PPM1L: variants seen among roughly 807,000 people sequenced by gnomAD.
The protein encoded by PPM1L is protein phosphatase, Mg2+/Mn2+ dependent 1L, also known as protein phosphatase 1L.
A neutral mutation model predicts 31.4 loss-of-function variants in PPM1L; 13 were observed. The ratio of observed to expected loss-of-function variants is 0.41; its 90% CI spans 0.27 to 0.66. PPM1L has a LOEUF of 0.66. Ranked by LOEUF, PPM1L falls within the 30% of genes least tolerant of loss-of-function variation. The probability of loss-of-function intolerance (pLI) is 0.29; values close to 1 mark genes in which losing one functional copy is unlikely to be tolerated. For synonymous variants in PPM1L, 184 were observed against 175.4 expected (o/e 1.05, Z -0.39); for missense variants, 326 against 453.7 (o/e 0.72, Z 2.56).
intron 1 of PPM1L, among the ~76,000 whole-genome samples, chr3:160,871,095 T>G (rs1712286270): frequency 6.6e-6 from 1 of 152,220 alleles, no homozygotes; most frequent in South Asian, 2.1e-4. Flanking sequence ...TTAGAAATTT[T>G]TATTCCCTTT....
intron 1 of PPM1L, among the ~76,000 whole-genome samples, chr3:160,867,130 A>C (rs1404449668): frequency 6.6e-6 from 1 of 152,126 alleles, no homozygotes; most frequent in Non-Finnish European, 1.5e-5. Context: ...ATATTCTTAG[A>C]ATCAATTTAT....
At chr3:160,777,337 A>G (rs1361063692) in intron 1 of PPM1L, among the ~76,000 whole-genome samples, 1 of 152,112 alleles carries the variant, frequency 6.6e-6, no homozygotes, top group Non-Finnish European at 1.5e-5. Flanking sequence ...AAAATTAAGT[A>G]CATAATTTTT....
Position 161,071,210 on chromosome 3 carries a change from T to G in PPM1L, c.*2053T>G, listed in dbSNP as rs1476253984. On this transcript the variant is annotated 3_prime_UTR_variant, in exon 4 of 4. Coordinates refer to ENST00000498165, the MANE Select transcript of PPM1L (RefSeq NM_139245.4). ...TTCAGGACATTCTGACTCCTAAGAG[T>G]TGCCCCCACCCACCATCAAACTGAA... is the stretch of plus-strand genomic sequence containing the variant. 2 of 152,128 alleles carry G rather than the reference T, an allele frequency of 1.3e-5. No homozygotes were observed. The highest frequency in any genetic ancestry group is 4.8e-5 in the African/African-American group (2 of 41,408). The allele number at this position is 152,128 out of a possible 1,614,324, so 9.4% of individuals were successfully genotyped here.
intron 2 of PPM1L, among the ~76,000 whole-genome samples, chr3:161,038,281 C>A (rs1718806094): frequency 1.3e-5 from 2 of 149,432 alleles, no homozygotes; most frequent in Non-Finnish European, 3.0e-5. Context: ...TTGTAGGTTG[C>A]AAATATCAAT....
At chr3:160,846,631 C>T (rs1290332549) in intron 1 of PPM1L, among the ~76,000 whole-genome samples, 1 of 152,006 alleles carries the variant, frequency 6.6e-6, no homozygotes, top group African/African-American at 2.4e-5. Context: ...TATGGAAGAT[C>T]AGTCACCAGT....
At chr3:161,047,241 G>T (rs1026773287) in intron 2 of PPM1L, among the ~76,000 whole-genome samples, 5 of 152,178 alleles carry the variant, frequency 3.3e-5, no homozygotes, top group African/African-American at 1.2e-4. Context: ...CTTCAGCAAA[G>T]TCTCAGTATA....
chr3:160,810,622 C>A (rs894741579), intron 1 of PPM1L, among the ~76,000 whole-genome samples: 4 of 152,142 alleles, frequency 2.6e-5, no homozygotes, highest in African/African-American at 9.7e-5. Context: ...CAGACCAAGG[C>A]AATACAGAGG....
rs566680262 is a variant in PPM1L, at chr3:160,871,582, C to T, written c.400-90154C>T. ...AATATGCCAATAATTCTACCATCTT[C>T]GTCTGATTAGGCTATGAAATCTTGA... On this transcript the variant is annotated intron_variant, in intron 1 of 3. Transcript: ENST00000498165. Among the ~76,000 whole-genome samples, 7 of 152,308 alleles carry T rather than the reference C, an allele frequency of 4.6e-5. No homozygotes were observed. In the South Asian group the frequency reaches 6.2e-4, roughly 14 times the overall value.
intron 1 of PPM1L, among the ~76,000 whole-genome samples, chr3:160,822,969 A>G (rs374016629): frequency 1.3e-5 from 2 of 152,098 alleles, no homozygotes; most frequent in African/African-American, 4.8e-5. Context: ...AACAAAAACC[A>G]TGAAAGAAAA....
chr3:160,866,510 G>T (rs1030330934), intron 1 of PPM1L, among the ~76,000 whole-genome samples: 2 of 152,032 alleles, frequency 1.3e-5, no homozygotes, highest in African/African-American at 4.8e-5. Context: ...TACTATTTTA[G>T]ATAATAATGT....
chr3:160,859,387 T>C lies in PPM1L; in HGVS notation c.400-102349T>C, dbSNP rs565000563. On this transcript the variant is annotated intron_variant, in intron 1 of 3. Transcript: ENST00000498165. ...TTCTACATTGCATGATTCCTTGCCT[T>C]CTTTTATTTCATGCAAGTTAGATTA... 2.6e-5 allele frequency among the ~76,000 whole-genome samples: 4 copies of C among 152,354 alleles called. No homozygotes were observed. The South Asian group carries it at 6.2e-4, about 24-fold the overall frequency.
At chr3:161,039,561 C>T (rs1388112101) in intron 2 of PPM1L, among the ~76,000 whole-genome samples, 3 of 152,120 alleles carry the variant, frequency 2.0e-5, no homozygotes, top group Non-Finnish European at 4.4e-5. Context: ...CTCGCTCTGT[C>T]GCCCAGGCTG....
intron 1 of PPM1L, among the ~76,000 whole-genome samples, chr3:160,875,620 T>C (rs1453878295): frequency 1.3e-5 from 2 of 152,252 alleles, no homozygotes; most frequent in Non-Finnish European, 2.9e-5. Flanking sequence ...GAGGATTTAC[T>C]ATGTGCAAGG....
At chr3:160,828,494 A>G (rs781542644) in intron 1 of PPM1L, among the ~76,000 whole-genome samples, 3 of 152,138 alleles carry the variant, frequency 2.0e-5, no homozygotes, top group Non-Finnish European at 4.4e-5. Flanking sequence ...AATAGGAAAA[A>G]TCCCTTATTC....
chr3:160,868,985 G>A (rs1443437192), intron 1 of PPM1L, among the ~76,000 whole-genome samples: 3 of 152,170 alleles, frequency 2.0e-5, no homozygotes, highest in African/African-American at 4.8e-5. Context: ...GAAGCCTCTT[G>A]TATCTGAATA....
chr3:160,828,338 A>G (rs1406094138), intron 1 of PPM1L, among the ~76,000 whole-genome samples: 1 of 152,118 alleles, frequency 6.6e-6, no homozygotes. Flanking sequence ...GAATAGGGCT[A>G]TGGTGTTTAT....
At chr3:161,029,837 G>A (rs1418764052) in intron 2 of PPM1L, among the ~76,000 whole-genome samples, 5 of 152,086 alleles carry the variant, frequency 3.3e-5, no homozygotes, top group African/African-American at 9.7e-5. Flanking sequence ...AGAGCAAGCC[G>A]TTAACCTCTC....
At chr3:161,033,433 T>G (rs1718639843) in intron 2 of PPM1L, among the ~76,000 whole-genome samples, 2 of 152,074 alleles carry the variant, frequency 1.3e-5, no homozygotes, top group Non-Finnish European at 2.9e-5. Context: ...CTACCTGACT[T>G]CAAACTATAC....
At chr3:160,800,622 T>C (rs778146664) in intron 1 of PPM1L, among the ~76,000 whole-genome samples, 1 of 152,160 alleles carries the variant, frequency 6.6e-6, no homozygotes, top group African/African-American at 2.4e-5. Context: ...ACAGCCAAAG[T>C]TGTGGTCATT....
Sources: allele counts gnomAD v4.1 joint callset (sites outside exome capture counted in the v4.1 genomes callset), GRCh38; gene constraint gnomAD v4.1.1; transcripts MANE v1.5; gene names NCBI Gene and HGNC (gene_info 2026-07-23, HGNC 2026-07-21).